CRABP2: variants seen among roughly 807,000 people sequenced by gnomAD.
The protein encoded by CRABP2 is cellular retinoic acid-binding protein 2.
CRABP2 carries 20 observed loss-of-function variants against 17.9 expected under a neutral mutation model. The ratio of observed to expected loss-of-function variants is 1.12; its 90% CI spans 0.79 to 1.63. The LOEUF is 1.63. Among genes scored for constraint, CRABP2 ranks in the 40% most tolerant of loss-of-function variants. The pLI is 0.00. For missense variants in CRABP2, 151 were observed against 168.6 expected (o/e 0.90, Z 0.58); for synonymous variants, 76 against 66.4 (o/e 1.14, Z -0.70).
At position 156,705,199 on chromosome 1, in the gene CRABP2, A is replaced by G. The variant is rs1220189391; in HGVS notation, c.70+178T>C. 6.6e-6 allele frequency among the ~76,000 whole-genome samples: 1 copy of G among 152,184 alleles called. No homozygotes were observed. The highest frequency in any genetic ancestry group is 2.4e-5 in the African/African-American group (1 of 41,444). ...GCACCGGTGGGCCCCCGCAGGAGAA[A>G]GCGGGATTTAGGCGTCGTGCCCAGA... On this transcript the variant is annotated intron_variant, in intron 1 of 3. Coordinates refer to ENST00000368222, the MANE Select transcript of CRABP2 (RefSeq NM_001878.4). The surrounding 1 kb of genome is among the most constrained non-coding windows in gnomAD (Gnocchi z 5.2).
At chr1:156,701,141 T>C in intron 1 of CRABP2, 89 bp from the exon 2 acceptor site, 1 of 1,450,602 alleles carries the variant, frequency 6.9e-7, no homozygotes, top group Non-Finnish European at 9.3e-7. Context: ...GCAGGCTGAT[T>C]TGTGACTTGC....
chr1:156,704,775 T>C (rs1173289814), intron 1 of CRABP2, among the ~76,000 whole-genome samples: 2 of 148,918 alleles, frequency 1.3e-5, no homozygotes, highest in African/African-American at 5.0e-5. Context: ...GCTCGCTGTA[T>C]GAAAATACTT....
chr1:156,703,597 A>G (rs994004368), intron 1 of CRABP2, among the ~76,000 whole-genome samples: 2 of 152,114 alleles, frequency 1.3e-5, no homozygotes, highest in Non-Finnish European at 2.9e-5. Context: ...TTCCTAGAGA[A>G]ACAAATCCTC....
chr1:156,699,898 A>G lies in CRABP2; in HGVS notation c.*128T>C. The G allele has an allele frequency of 2.2e-6, 2 of 899,098 alleles. No individual in the cohort carries two copies. The highest frequency in any genetic ancestry group is 3.4e-6 in the Non-Finnish European group (2 of 583,708). The allele number at this position is 899,098 out of a possible 1,614,324, so 55.7% of individuals were successfully genotyped here. ...AGACCCTGCAAGAGGCATCCCAGTG[A>G]CCCCCAGAAGTGACTGGGGTAAGGG... is the stretch of plus-strand genomic sequence containing the variant. On this transcript the variant is annotated 3_prime_UTR_variant, in exon 4 of 4. Transcript: ENST00000368222.
intron 1 of CRABP2, among the ~76,000 whole-genome samples, chr1:156,701,862 G>C (rs927866330): frequency 1.3e-5 from 2 of 152,126 alleles, no homozygotes; most frequent in Non-Finnish European, 2.9e-5. Context: ...ATCAAGGTTG[G>C]GTATAGTGGC....
In CRABP2 at chr1:156,699,838, G is replaced by T; in HGVS notation, c.*188C>A. On this transcript the variant is annotated 3_prime_UTR_variant, in exon 4 of 4. Coordinates refer to ENST00000368222, the MANE Select transcript of CRABP2 (RefSeq NM_001878.4). ...GCTCTTGCAGCCATTCCTCTTTGTTGGTGTAGGGGAGGAGAGAAGAGGTCA... is the reference window on the plus strand; with the variant it reads ...GCTCTTGCAGCCATTCCTCTTTGTTTGTGTAGGGGAGGAGAGAAGAGGTCA... 1.7e-6 allele frequency: 1 copy of T among 576,480 alleles called. No individual in the cohort carries two copies. The highest frequency in any genetic ancestry group is 3.1e-6 in the Non-Finnish European group (1 of 325,088). 35.7% of individuals were successfully genotyped at this position (576,480 alleles called of 1,614,324 possible). A position where few individuals can be genotyped will look rare whatever the true frequency, so the allele number is the denominator to read the frequency against.
At chr1:156,700,756 C>T (rs1648007402) in intron 2 of CRABP2, 98 bp from the exon 3 acceptor site, 1 of 1,499,418 alleles carries the variant, frequency 6.7e-7, no homozygotes, top group Admixed American at 1.7e-5. Context: ...CCACCACCAC[C>T]TAGGGATTTT....
chr1:156,700,452 G>T, intron 3 of CRABP2, 90 bp downstream of exon 3: 1 of 1,028,078 alleles, frequency 9.7e-7, no homozygotes, highest in Non-Finnish European at 1.5e-6. Context: ...AGCCATGGTT[G>T]TTCTTGAGTC....
intron 1 of CRABP2, 43 bp from the exon 2 acceptor site, chr1:156,701,095 G>A (rs1648019608): frequency 1.9e-6 from 3 of 1,598,310 alleles, no homozygotes; most frequent in South Asian, 1.1e-5. Flanking sequence ...GGGCCTTTGG[G>A]CACCTCTCTC....
In CRABP2 at chr1:156,700,928, G is replaced by A. The variant is rs1648013285; in HGVS notation, c.195C>T (p.Asn65=). ...CCTCAAACTCCTCCCCAACCTTGAA[G>A]TTAATCTCTGTGGTGCGCACGGTGG... is the stretch of plus-strand genomic sequence containing the variant. The part of the protein sequence containing the change: ...TSTTVRTTEI[N]FKVGEEFEEQ... The change falls in exon 2 of 4, where the codon AAC becomes AAT. Residue 65 remains asparagine, a synonymous_variant. Coordinates refer to ENST00000368222, the MANE Select transcript of CRABP2 (RefSeq NM_001878.4). 1.2e-6 allele frequency: 2 copies of A among 1,614,200 alleles called. No individual in the cohort carries two copies. Among genetic ancestry groups the A allele is most frequent in the Middle Eastern group, 1.7e-4 (1 of 6,060 alleles).
chr1:156,703,354 G>C (rs1238466627), intron 1 of CRABP2, among the ~76,000 whole-genome samples: 3 of 152,146 alleles, frequency 2.0e-5, no homozygotes, highest in African/African-American at 7.2e-5. Context: ...TAACCGAAGT[G>C]GGGGAGATAG....
intron 1 of CRABP2, among the ~76,000 whole-genome samples, chr1:156,704,199 G>A (rs1360863412): frequency 1.3e-5 from 2 of 152,188 alleles, no homozygotes; most frequent in African/African-American, 4.8e-5. Flanking sequence ...AAGAAAGACT[G>A]ATATGACTCC....
At position 156,700,529 on chromosome 1, in the gene CRABP2, A is replaced by G. The variant is rs769527166; in HGVS notation, c.366+13T>C. The G allele has an allele frequency of 2.5e-6, 4 of 1,598,812 alleles. No homozygotes were observed. Among genetic ancestry groups the G allele is most frequent in the Non-Finnish European group, 3.4e-6 (4 of 1,166,104 alleles). On this transcript the variant is annotated intron_variant, in intron 3 of 3. Transcript: ENST00000368222. ...ACTGGGTTTGCTATTAGTGGGGAGG[A>G]GGCAGGACTTACCAGGATCAGTTCC...
chr1:156,701,194 G>C (rs1307401324), intron 1 of CRABP2, 142 bp from the exon 2 acceptor site: 1 of 818,294 alleles, frequency 1.2e-6, no homozygotes, highest in African/African-American at 1.7e-5. Context: ...TGGTGCCTGG[G>C]TGTCTAAGAA....
At chr1:156,705,752 C>G (rs1648176850), upstream of CRABP2, 1 of 356,840 alleles carries the variant, frequency 2.8e-6, no homozygotes. The surrounding 1 kb of genome is among the most constrained non-coding windows in gnomAD (Gnocchi z 5.2). Flanking sequence ...CTCTGGGGAC[C>G]GAGATAGCCT....
Position 156,700,883 on chromosome 1 carries a change from C to T in CRABP2, c.240G>A (p.Arg80=). The part of the protein sequence containing the change: ...EEFEEQTVDG[R]PCKSLVKWES... ...CCCTTCTGGCACTCACCTTACAGGG[C>T]CTCCCATCCACAGTCTGCTCCTCAA... The change falls in exon 2 of 4, where the codon AGG becomes AGA. Residue 80 remains arginine, a synonymous_variant. Transcript: ENST00000368222. 1 of 1,613,686 alleles carries T rather than the reference C, an allele frequency of 6.2e-7. No homozygotes were observed. Among genetic ancestry groups the T allele is most frequent in the South Asian group, 1.1e-5 (1 of 91,026 alleles).
rs1465277094 is a variant in CRABP2 at position 156,703,676 on chromosome 1, C to T, written c.70+1701G>A. 2.0e-5 allele frequency among the ~76,000 whole-genome samples: 3 copies of T among 152,176 alleles called. No individual in the cohort carries two copies. In the South Asian group the frequency reaches 6.2e-4, roughly 31 times the overall value. On this transcript the variant is annotated intron_variant, in intron 1 of 3. Coordinates refer to ENST00000368222, the MANE Select transcript of CRABP2 (RefSeq NM_001878.4). ...AGAGAGAGGGAGAGAGGAAGCCTTG[C>T]CCCTGGGGAGCCCAGGACCCCCATT... is the stretch of plus-strand genomic sequence containing the variant.
intron 1 of CRABP2, among the ~76,000 whole-genome samples, chr1:156,703,097 C>A (rs1276691475): frequency 6.6e-6 from 1 of 151,568 alleles, no homozygotes; most frequent in Non-Finnish European, 1.5e-5. Flanking sequence ...GCATTAGGCA[C>A]CGTACTCATC....
chr1:156,701,135 G>T, intron 1 of CRABP2, 83 bp from the exon 2 acceptor site: 1 of 1,477,762 alleles, frequency 6.8e-7, no homozygotes, highest in Non-Finnish European at 9.2e-7. Context: ...GTTGGAGCAG[G>T]CTGATTTGTG....
Sources: gnomAD v4.1 joint callset for allele counts (sites outside exome capture counted in the v4.1 genomes callset) on GRCh38, gnomAD v4.1.1 for gene constraint, Gnocchi (gnomAD v3.1) non-coding constraint, MANE v1.5 for transcripts, NCBI Gene and HGNC (gene_info 2026-07-23, HGNC 2026-07-21) for gene names.